CNTN5: variants seen among roughly 807,000 people sequenced by gnomAD.
The protein encoded by CNTN5 is contactin-5.
A neutral mutation model predicts 129.1 loss-of-function variants in CNTN5; 77 were observed. The ratio of observed to expected loss-of-function variants is 0.60; its 90% CI spans 0.50 to 0.72. The LOEUF is 0.72. Ranked by LOEUF, CNTN5 falls within the 30% of genes least tolerant of loss-of-function variation. The pLI is 0.00. For missense variants in CNTN5, 1,478 were observed against 1,328.8 expected, an observed-to-expected ratio of 1.11 and a Z score of -1.75; for synonymous variants, 509 against 465.6, an observed-to-expected ratio of 1.09 and a Z score of -1.20.
At chr11:99,815,879 A>G (rs1320303658) in intron 3 of CNTN5, among the ~76,000 whole-genome samples, 6 of 152,168 alleles carry the variant, frequency 3.9e-5, no homozygotes, top group Non-Finnish European at 8.8e-5. Flanking sequence ...AACTCCTTCA[A>G]TACTTAAAAT....
In CNTN5 at chr11:100,340,641, A is replaced by G. The variant is rs200498467; in HGVS notation, c.2909A>G (p.Lys970Arg). 4.0e-5 allele frequency: 64 copies of G among 1,595,496 alleles called. 1 individual carries two copies. The highest frequency in any genetic ancestry group is 1.8e-4 in the African/African-American group (13 of 73,600). ...PPSSEVSATT[K>R]KSPPSQAPSN... ...AGCAGTGAAGTGAGTGCAACCACCA[A>G]GAAATCCCGTAAGTGACCTGGGCTT... The change falls in exon 22 of 25, where the codon AAG becomes AGG. Residue 970 changes from lysine to arginine, a missense_variant. Coordinates refer to ENST00000524871, the MANE Select transcript of CNTN5 (RefSeq NM_014361.4).
intron 13 of CNTN5, among the ~76,000 whole-genome samples, chr11:100,089,335 G>A (rs909966482): frequency 6.6e-5 from 10 of 151,966 alleles, no homozygotes; most frequent in African/African-American, 1.9e-4. Context: ...ATTATAGAAA[G>A]GCAAATTAAA....
intron 3 of CNTN5, among the ~76,000 whole-genome samples, chr11:99,818,482 C>G (rs930263363): frequency 6.6e-6 from 1 of 152,136 alleles, no homozygotes; most frequent in African/African-American, 2.4e-5. Context: ...GTTTTAAACA[C>G]CTAGCTGAAG....
At chr11:99,576,720 G>A (rs2726377) in intron 3 of CNTN5, among the ~76,000 whole-genome samples, 138,593 of 152,218 alleles carry the variant, frequency 0.91, 63,252 homozygotes, top group East Asian at 1. Context: ...CAGATTTGGT[G>A]TTTGGGGAGG....
At chr11:99,621,809 A>G (rs916666203) in intron 3 of CNTN5, among the ~76,000 whole-genome samples, 2 of 152,162 alleles carry the variant, frequency 1.3e-5, no homozygotes, top group African/African-American at 4.8e-5. Flanking sequence ...GCACTCTTAT[A>G]TTTGCCCACA....
intron 14 of CNTN5, among the ~76,000 whole-genome samples, chr11:100,192,572 C>T (rs1407428234): frequency 2.6e-5 from 4 of 151,960 alleles, no homozygotes; most frequent in African/African-American, 9.7e-5. Context: ...TTGTTAATCA[C>T]TGTGTTAATT....
rs372004667 is a variant in CNTN5, at chr11:99,689,310, A to G, written c.56-130234A>G. Among the ~76,000 whole-genome samples the G allele has an allele frequency of 1.4e-4, 21 of 151,998 alleles. No individual in the cohort carries two copies. In the East Asian group the frequency reaches 2.2e-3, roughly 16 times the overall value. ...AGGGAGGCCAAGGCGGGCAGATCAC[A>G]AGGTCAGGAGATCGAGACCATCCTG... On this transcript the variant is annotated intron_variant, in intron 3 of 24. Transcript: ENST00000524871.
intron 2 of CNTN5, among the ~76,000 whole-genome samples, chr11:99,491,285 C>T (rs1033587480): frequency 2.0e-5 from 3 of 152,156 alleles, no homozygotes; most frequent in Admixed American, 1.3e-4. Context: ...GGGTTCCAGT[C>T]TTTCTCCTTA....
intron 1 of CNTN5, among the ~76,000 whole-genome samples, chr11:99,107,362 A>G (rs191074368): frequency 0.012 from 1,853 of 152,282 alleles, 13 homozygotes; most frequent in Middle Eastern, 0.027. Flanking sequence ...TTTTTAAAAT[A>G]GATTTTTAAA....
intron 2 of CNTN5, among the ~76,000 whole-genome samples, chr11:99,413,251 C>T (rs1400797168): frequency 6.6e-6 from 1 of 152,144 alleles, no homozygotes; most frequent in Non-Finnish European, 1.5e-5. Context: ...GCAATAAACA[C>T]AAAAGCAAGG....
At chr11:99,178,314 CCA>C (rs71046672) in intron 1 of CNTN5, among the ~76,000 whole-genome samples, 20,359 of 125,002 alleles carry the variant, frequency 0.16, 1,379 homozygotes, top group Middle Eastern at 0.21. Flanking sequence ...GACCTCATCT[CCA>C]CACACACACA....
intron 3 of CNTN5, among the ~76,000 whole-genome samples, chr11:99,783,022 C>T (rs994623493): frequency 6.6e-6 from 1 of 150,462 alleles, no homozygotes; most frequent in African/African-American, 2.4e-5. Context: ...AAACTACCAT[C>T]AGAGTGAACA....
At chr11:99,092,460 T>G (rs1866291711) in intron 1 of CNTN5, among the ~76,000 whole-genome samples, 1 of 152,018 alleles carries the variant, frequency 6.6e-6, no homozygotes. Context: ...TTACATTATT[T>G]TTGCATTAAA....
At chr11:99,069,981 TC>T (rs1405796228) in intron 1 of CNTN5, among the ~76,000 whole-genome samples, 1 of 152,136 alleles carries the variant, frequency 6.6e-6, no homozygotes, top group African/African-American at 2.4e-5. Context: ...AGCTCCCTCT[TC>T]CGATAATGAG....
Position 99,321,720 on chromosome 11 carries a change from T to G in CNTN5, c.-209-3626T>G, listed in dbSNP as rs575270969. On this transcript the variant is annotated intron_variant, in intron 1 of 24. Transcript: ENST00000524871. ...CTTCCACCTTGATTGATTGATTGAG[T>G]AGAATCAATAATATCATATTGGTGA... is the stretch of plus-strand genomic sequence containing the variant. 9.2e-5 allele frequency among the ~76,000 whole-genome samples: 14 copies of G among 152,126 alleles called. No homozygotes were observed. The East Asian group carries it at 2.7e-3, about 29-fold the overall frequency.
At chr11:99,310,662 G>C (rs979167389) in intron 1 of CNTN5, among the ~76,000 whole-genome samples, 1 of 152,062 alleles carries the variant, frequency 6.6e-6, no homozygotes, top group Non-Finnish European at 1.5e-5. Flanking sequence ...AAGTATTTTT[G>C]TGATACTTTT....
At chr11:99,710,020 A>G (rs1244071099) in intron 3 of CNTN5, among the ~76,000 whole-genome samples, 1 of 151,826 alleles carries the variant, frequency 6.6e-6, no homozygotes, top group Non-Finnish European at 1.5e-5. Context: ...TCTTCCAGAA[A>G]TGTTTCCTGC....
At chr11:100,205,785 C>T (rs755400877) in intron 15 of CNTN5, among the ~76,000 whole-genome samples, 8 of 151,880 alleles carry the variant, frequency 5.3e-5, no homozygotes, top group Non-Finnish European at 7.4e-5. Flanking sequence ...GTAGAGTATG[C>T]ATTAGGTTAT....
intron 2 of CNTN5, among the ~76,000 whole-genome samples, chr11:99,408,503 A>AAAGT (rs1555137946): frequency 0.023 from 3,358 of 144,512 alleles, 121 homozygotes; most frequent in East Asian, 0.12. Flanking sequence ...AGAAAGAAAG[A>AAAGT]AAGTTAGTTC....
Sources: allele counts gnomAD v4.1 joint callset (sites outside exome capture counted in the v4.1 genomes callset), GRCh38; gene constraint gnomAD v4.1.1; transcripts MANE v1.5; gene names NCBI Gene and HGNC (gene_info 2026-07-23, HGNC 2026-07-21).